Variants in FYN observed in about 807,000 individuals in gnomAD.
The protein encoded by FYN is tyrosine-protein kinase Fyn.
FYN carries 10 observed loss-of-function variants against 70.2 expected under a neutral mutation model. The ratio of observed to expected loss-of-function variants is 0.14; its 90% CI spans 0.09 to 0.24. The LOEUF (loss-of-function observed/expected upper bound fraction) is 0.24. Ranked by LOEUF, FYN falls within the 10% of genes least tolerant of loss-of-function variation. The pLI, the probability that FYN is intolerant of heterozygous loss-of-function variation, is 1.00. For synonymous variants in FYN, 236 were observed against 248.6 expected (o/e 0.95, Z 0.48); for missense variants, 319 against 673.1 (o/e 0.47, Z 5.82).
In FYN at chr6:111,800,344, G is replaced by T. The variant is rs975670739; in HGVS notation, c.-81-19709C>A. Among the ~76,000 whole-genome samples, 5 of 152,158 alleles carry T rather than the reference G, an allele frequency of 3.3e-5. No individual in the cohort carries two copies. The South Asian group carries it at 6.2e-4, about 19-fold the overall frequency. ...AATGAGGCACAGGTCTCAGCACAGG[G>T]TAGGAAGGATCCGGGGGATGGGAGA... On this transcript the variant is annotated intron_variant, in intron 2 of 13. Coordinates refer to ENST00000354650, the MANE Select transcript of FYN (RefSeq NM_002037.5).
intron 2 of FYN, among the ~76,000 whole-genome samples, chr6:111,783,812 A>G (rs1036509125): frequency 6.6e-6 from 1 of 152,182 alleles, no homozygotes. Context: ...GGGACAGTCC[A>G]AGGTTTTGCA....
chr6:111,722,323 C>T (rs981563893), intron 3 of FYN, among the ~76,000 whole-genome samples: 4 of 152,138 alleles, frequency 2.6e-5, no homozygotes, highest in Non-Finnish European at 1.5e-5. Flanking sequence ...TGCTTTGTAA[C>T]TTATGGTAAA....
chr6:111,859,108 C>T (rs760745261), intron 1 of FYN, among the ~76,000 whole-genome samples: 3 of 152,120 alleles, frequency 2.0e-5, no homozygotes, highest in South Asian at 4.2e-4. Context: ...ACTCCTCTTC[C>T]GTACCTGCTG....
chr6:111,666,989 C>T (rs567501243), intron 13 of FYN, among the ~76,000 whole-genome samples: 1 of 152,296 alleles, frequency 6.6e-6, no homozygotes, highest in East Asian at 1.9e-4. Context: ...ATTCTCCAGC[C>T]AAGAAGACTG....
At chr6:111,822,477 T>C (rs1444298453) in intron 2 of FYN, among the ~76,000 whole-genome samples, 1 of 150,868 alleles carries the variant, frequency 6.6e-6, no homozygotes, top group African/African-American at 2.4e-5. Flanking sequence ...CCTGGGCCTG[T>C]TGTGGGGTGG....
chr6:111,802,603 T>C (rs562778228), intron 2 of FYN, among the ~76,000 whole-genome samples: 1 of 152,020 alleles, frequency 6.6e-6, no homozygotes, highest in Non-Finnish European at 1.5e-5. Flanking sequence ...AGCTAATTTG[T>C]ATTTTTGGTA....
intron 2 of FYN, among the ~76,000 whole-genome samples, chr6:111,846,092 T>C (rs1052957007): frequency 6.6e-6 from 1 of 152,086 alleles, no homozygotes; most frequent in African/African-American, 2.4e-5. Context: ...ACCAAAAAAA[T>C]GTTACATTAA....
rs139700411 is a variant in FYN, at chr6:111,668,944, T to C, written c.1405+5555A>G. On this transcript the variant is annotated intron_variant, in intron 13 of 13. Transcript: ENST00000354650. ...TTGTTATGTTGAACACAAAGGAAAA[T>C]GTATCTACGGTTCAGGGCTCTAAGG... 7.1e-3 allele frequency among the ~76,000 whole-genome samples: 1,075 copies of C among 152,170 alleles called. 8 individuals carry two copies. The highest frequency in any genetic ancestry group is 0.024 in the African/African-American group (997 of 41,498).
chr6:111,848,420 T>C (rs1376248316), intron 1 of FYN, among the ~76,000 whole-genome samples: 2 of 152,230 alleles, frequency 1.3e-5, no homozygotes, highest in Admixed American at 6.5e-5. Context: ...TACAGCACTT[T>C]AGCAACCAGT....
At chr6:111,820,673 G>A (rs903932826) in intron 2 of FYN, among the ~76,000 whole-genome samples, 6 of 152,036 alleles carry the variant, frequency 3.9e-5, no homozygotes, top group Non-Finnish European at 8.8e-5. Context: ...TTACAGGTAC[G>A]TATAGACAAG....
At chr6:111,742,194 G>C (rs1486509833) in intron 3 of FYN, among the ~76,000 whole-genome samples, 1 of 152,116 alleles carries the variant, frequency 6.6e-6, no homozygotes, top group South Asian at 2.1e-4. Context: ...TCTAACCTCA[G>C]AGAGGTTAAG....
intron 2 of FYN, among the ~76,000 whole-genome samples, chr6:111,840,011 A>G (rs1438669016): frequency 6.6e-6 from 1 of 152,212 alleles, no homozygotes; most frequent in African/African-American, 2.4e-5. Context: ...AATCTGAGAA[A>G]GAAGACAGGC....
chr6:111,846,518 C>A (rs1183183093), intron 2 of FYN, 71 bp downstream of exon 2: 2 of 398,804 alleles, frequency 5.0e-6, no homozygotes, highest in African/African-American at 4.1e-5. Flanking sequence ...TGGACTTCAT[C>A]CTAGGTTCCA....
chr6:111,767,092 C>T (rs1313018698), intron 3 of FYN, among the ~76,000 whole-genome samples: 1 of 152,182 alleles, frequency 6.6e-6, no homozygotes, highest in African/African-American at 2.4e-5. Flanking sequence ...ATAACCTCTG[C>T]TCCCCAAATC....
At chr6:111,867,459 A>AAAG (rs35182384) in intron 1 of FYN, among the ~76,000 whole-genome samples, 9,357 of 73,934 alleles carry the variant, frequency 0.13, 307 homozygotes, top group African/African-American at 0.34. Context: ...CCGTCTCGGG[A>AAAG]AAAAAAAAAA....
At chr6:111,836,254 A>C (rs1274055577) in intron 2 of FYN, among the ~76,000 whole-genome samples, 1 of 152,204 alleles carries the variant, frequency 6.6e-6, no homozygotes, top group Non-Finnish European at 1.5e-5. Context: ...CAATGATCAT[A>C]GGAGATGGCG....
chr6:111,862,465 A>G (rs1330283364), intron 1 of FYN, among the ~76,000 whole-genome samples: 1 of 152,218 alleles, frequency 6.6e-6, no homozygotes, highest in Non-Finnish European at 1.5e-5. Flanking sequence ...ATGTCCAAAA[A>G]GAAGCCAGCC....
intron 12 of FYN, among the ~76,000 whole-genome samples, chr6:111,683,283 T>C (rs201239566): frequency 3.3e-5 from 5 of 152,310 alleles, no homozygotes; most frequent in South Asian, 2.1e-4. Flanking sequence ...GGCAGCCGCA[T>C]TGGAATGATG....
intron 13 of FYN, among the ~76,000 whole-genome samples, chr6:111,670,366 G>T (rs570934507): frequency 1.3e-5 from 2 of 152,250 alleles, no homozygotes; most frequent in Non-Finnish European, 2.9e-5. Context: ...CACCAGTGAG[G>T]TGCTCCTTTG....
Sources: gnomAD v4.1 joint callset for allele counts (sites outside exome capture counted in the v4.1 genomes callset) on GRCh38, gnomAD v4.1.1 for gene constraint, MANE v1.5 for transcripts, NCBI Gene and HGNC (gene_info 2026-07-23, HGNC 2026-07-21) for gene names.